RASGRF2: variants seen among roughly 807,000 people sequenced by gnomAD.
RASGRF2 encodes the protein ras-specific guanine nucleotide-releasing factor 2.
In RASGRF2, 76 loss-of-function variants were observed where a neutral mutation model predicts 151.0. That is an observed-to-expected ratio of 0.50 (90% CI 0.42 to 0.61). The LOEUF is 0.61. RASGRF2 is among the 20% of genes least tolerant of loss of function. RASGRF2 has a pLI of 0.00. For synonymous variants in RASGRF2, 504 were observed against 566.5 expected (o/e 0.89, Z 1.57); for missense variants, 1,148 against 1,564.6 (o/e 0.73, Z 4.49).
intron 2 of RASGRF2, among the ~76,000 whole-genome samples, chr5:81,046,195 CT>C (rs1750831146): frequency 6.6e-6 from 1 of 152,138 alleles, no homozygotes; most frequent in South Asian, 2.1e-4. Context: ...CTCTCATTTA[CT>C]TTTGTTTTCC....
intron 1 of RASGRF2, among the ~76,000 whole-genome samples, chr5:81,001,015 T>C (rs1749063235): frequency 6.6e-6 from 1 of 152,234 alleles, no homozygotes; most frequent in Non-Finnish European, 1.5e-5. Context: ...TTTCCTCATT[T>C]ACTGTTTAGA....
intron 17 of RASGRF2, among the ~76,000 whole-genome samples, chr5:81,152,005 T>G (rs1034183465): frequency 2.6e-5 from 4 of 151,416 alleles, no homozygotes; most frequent in African/African-American, 9.7e-5. Flanking sequence ...AGATTTTTTG[T>G]TTGTTTGTTT....
intron 17 of RASGRF2, among the ~76,000 whole-genome samples, chr5:81,163,779 G>T (rs545985872): frequency 6.6e-6 from 1 of 152,236 alleles, no homozygotes; most frequent in East Asian, 1.9e-4. Flanking sequence ...TGGCCACTAC[G>T]CTGGGAGGCA....
At chr5:81,206,331 C>G (rs1458967114) in intron 19 of RASGRF2, among the ~76,000 whole-genome samples, 1 of 152,176 alleles carries the variant, frequency 6.6e-6, no homozygotes, top group Non-Finnish European at 1.5e-5. Flanking sequence ...CTGGCTCCTG[C>G]CTGGCATTGT....
At chr5:81,109,263 C>T (rs1042952738) in intron 13 of RASGRF2, among the ~76,000 whole-genome samples, 185 bp downstream of exon 13, 4 of 152,204 alleles carry the variant, frequency 2.6e-5, no homozygotes, top group African/African-American at 7.2e-5. Flanking sequence ...TTTTCACATT[C>T]ACAGTTTATT....
At chr5:81,092,686 C>A in intron 9 of RASGRF2, 115 bp from the exon 10 acceptor site, 1 of 952,074 alleles carries the variant, frequency 1.1e-6, no homozygotes, top group Non-Finnish European at 1.6e-6. Context: ...TGATGTGTCA[C>A]ATAAATCAAT....
intron 1 of RASGRF2, among the ~76,000 whole-genome samples, chr5:81,003,758 T>C (rs1561549017): frequency 1.3e-5 from 2 of 152,192 alleles, no homozygotes; most frequent in African/African-American, 4.8e-5. Flanking sequence ...GGTATCAAAA[T>C]AGAAATCTGT....
chr5:81,047,892 A>G (rs548093832), intron 2 of RASGRF2, among the ~76,000 whole-genome samples: 2 of 152,130 alleles, frequency 1.3e-5, no homozygotes, highest in Non-Finnish European at 2.9e-5. Flanking sequence ...ACACACATGC[A>G]CACACACACA....
intron 1 of RASGRF2, among the ~76,000 whole-genome samples, chr5:80,995,825 T>C (rs1580180245): frequency 6.6e-6 from 1 of 151,698 alleles, no homozygotes; most frequent in African/African-American, 2.4e-5. Context: ...CCTGAGTAGC[T>C]GTGATGACAG....
chr5:81,103,311 T>C (rs1419282085), intron 12 of RASGRF2, among the ~76,000 whole-genome samples: 1 of 152,050 alleles, frequency 6.6e-6, no homozygotes, highest in Non-Finnish European at 1.5e-5. Flanking sequence ...ATAGCTATAT[T>C]CTATATAGCT....
chr5:80,972,345 CT>C (rs1747964911), intron 1 of RASGRF2, among the ~76,000 whole-genome samples: 1 of 152,188 alleles, frequency 6.6e-6, no homozygotes, highest in South Asian at 2.1e-4. Flanking sequence ...CTTGCCAACC[CT>C]TGGTCTTATC....
intron 2 of RASGRF2, among the ~76,000 whole-genome samples, chr5:81,055,822 T>C (rs1212818916): frequency 6.6e-6 from 1 of 152,226 alleles, no homozygotes. Flanking sequence ...GTTATTGGTC[T>C]ATTCAGGGAT....
At chr5:81,162,744 A>G (rs1754416101) in intron 17 of RASGRF2, among the ~76,000 whole-genome samples, 1 of 152,250 alleles carries the variant, frequency 6.6e-6, no homozygotes, top group Non-Finnish European at 1.5e-5. Flanking sequence ...CCTGGTTTCT[A>G]AGTGCAAACA....
At chr5:81,098,850 AGT>A (rs1392301959) in intron 12 of RASGRF2, among the ~76,000 whole-genome samples, 1 of 152,218 alleles carries the variant, frequency 6.6e-6, no homozygotes, top group Non-Finnish European at 1.5e-5. Context: ...TAGTCTCTCA[AGT>A]GTATCTCTGG....
chr5:81,008,986 C>CA (rs1749366850), intron 1 of RASGRF2, among the ~76,000 whole-genome samples: 2 of 152,174 alleles, frequency 1.3e-5, no homozygotes, highest in Non-Finnish European at 2.9e-5. Context: ...GACTCATGAT[C>CA]TGGTTGGCTT....
chr5:81,008,194 A>C (rs1429881294), intron 1 of RASGRF2, among the ~76,000 whole-genome samples: 2 of 119,096 alleles, frequency 1.7e-5, no homozygotes, highest in Non-Finnish European at 3.2e-5. Flanking sequence ...TTCTTCGCCC[A>C]GGCTGGAGTG....
chr5:81,087,089 G>A lies in RASGRF2; in HGVS notation c.1390+136G>A, dbSNP rs762642849. On this transcript the variant is annotated intron_variant, in intron 9 of 26. Transcript: ENST00000265080. ...GGACCCCCCCACGGCCTTCGCCGAG[G>A]CGGTGGTTGAGGCCCACCTTTGTGC... 6 of 822,704 alleles carry A rather than the reference G, an allele frequency of 7.3e-6. No homozygotes were observed. The South Asian group carries it at 8.5e-5, about 12-fold the overall frequency. The allele number at this position is 822,704 out of a possible 1,614,324, so 51.0% of individuals were successfully genotyped here.
chr5:81,058,339 A>T (rs1473006464), intron 2 of RASGRF2, among the ~76,000 whole-genome samples: 1 of 152,352 alleles, frequency 6.6e-6, no homozygotes, highest in East Asian at 1.9e-4. Context: ...GGAAAATTTA[A>T]TCACATAAGA....
At chr5:81,058,745 C>T (rs1205802111) in intron 2 of RASGRF2, among the ~76,000 whole-genome samples, 1 of 136,728 alleles carries the variant, frequency 7.3e-6, no homozygotes, top group Non-Finnish European at 1.5e-5. Context: ...CGCTGTACTC[C>T]AGCCTGGGCA....
Sources: allele counts gnomAD v4.1 joint callset (sites outside exome capture counted in the v4.1 genomes callset), GRCh38; gene constraint gnomAD v4.1.1; transcripts MANE v1.5; gene names NCBI Gene and HGNC (gene_info 2026-07-23, HGNC 2026-07-21).